JMJD1C: variants seen among roughly 807,000 people sequenced by gnomAD.
JMJD1C encodes jumonji domain-containing protein 1C.
In JMJD1C, 31 loss-of-function variants were observed where a neutral mutation model predicts 245.3. The observed-to-expected ratio is 0.13, with a 90% CI of 0.09 to 0.17. JMJD1C has a LOEUF of 0.17. Among genes scored for constraint, JMJD1C ranks in the 10% least tolerant of loss-of-function variants. The pLI, the probability that JMJD1C is intolerant of heterozygous loss-of-function variation, is 1.00. For synonymous variants in JMJD1C, 1,057 were observed against 1,017.4 expected (o/e 1.04, Z -0.74); for missense variants, 2,691 against 3,000.2 (o/e 0.90, Z 2.41).
intron 1 of JMJD1C, among the ~76,000 whole-genome samples, chr10:63,399,770 A>G (rs1948737366): frequency 6.6e-6 from 1 of 150,424 alleles, no homozygotes; most frequent in Admixed American, 6.7e-5. Flanking sequence ...TTTTCCTTTT[A>G]GGATTTTTTT....
At chr10:63,244,198 C>T (rs868025326) in intron 3 of JMJD1C, among the ~76,000 whole-genome samples, 2 of 152,240 alleles carry the variant, frequency 1.3e-5, no homozygotes, top group Middle Eastern at 3.4e-3. Context: ...TCAGCAGCAC[C>T]ATGCTGTGGA....
intron 10 of JMJD1C, chr10:63,204,453 G>C (rs1465373101): frequency 2.0e-6 from 2 of 985,222 alleles, no homozygotes; most frequent in Non-Finnish European, 2.4e-6. Context: ...AACTTCACAA[G>C]AGTTTTCTAG....
chr10:63,188,661 T>C (rs1844418681), intron 18 of JMJD1C, among the ~76,000 whole-genome samples: 1 of 152,222 alleles, frequency 6.6e-6, no homozygotes, highest in African/African-American at 2.4e-5. Context: ...ATCAAAACTT[T>C]TGTCCAACAA....
chr10:63,329,232 T>C (rs1941863493), intron 2 of JMJD1C, among the ~76,000 whole-genome samples: 1 of 150,732 alleles, frequency 6.6e-6, no homozygotes, highest in South Asian at 2.1e-4. Flanking sequence ...TAGTAAGCCA[T>C]GATCGAGCCA....
rs752775581 is a variant in JMJD1C at position 63,189,279 on chromosome 10, T to A, written c.6459A>T (p.Leu2153Phe). The A allele has an allele frequency of 1.2e-6, 2 of 1,613,578 alleles. No individual in the cohort carries two copies. The highest frequency in any genetic ancestry group is 2.2e-5 in the South Asian group (2 of 91,070). Reference sequence around the variant, plus strand: ...TCCAAGAATGTGGTATATCACTGTATAATTTATTATTTTCATCCACTGCAG... The same window carrying A: ...TCCAAGAATGTGGTATATCACTGTAAAATTTATTATTTTCATCCACTGCAG... ...IISAVDENNK[L>F]YSDIPHSWIC... Residue 2153 changes from leucine to phenylalanine, a missense_variant, in exon 18 of 26, where the codon TTA becomes TTT. Physicochemically the swap from Leu to Phe is conservative, Grantham distance 22. Around this residue, in one of 9 missense-constraint regions of JMJD1C, gnomAD observed 275 missense variants for 285.5 expected, o/e 0.96. Coordinates refer to ENST00000399262, the MANE Select transcript of JMJD1C (RefSeq NM_032776.3).
chr10:63,295,959 A>ATGTGTGTGTG (rs370590868), intron 2 of JMJD1C, among the ~76,000 whole-genome samples: 80 of 89,834 alleles, frequency 8.9e-4, no homozygotes, highest in African/African-American at 3.2e-3. Context: ...ATACACGTAT[A>ATGTGTGTGTG]TGTGTGTGTG....
intron 2 of JMJD1C, among the ~76,000 whole-genome samples, chr10:63,366,419 A>C (rs761099636): frequency 2.0e-5 from 3 of 152,188 alleles, no homozygotes; most frequent in Admixed American, 2.0e-4. Context: ...TTTAATGTGT[A>C]TCATTTCTAC....
chr10:63,387,629 A>ATTTTTTTTTTTTT lies in JMJD1C; in HGVS notation c.169-7160_169-7148dup, dbSNP rs71025169. 6.1e-4 allele frequency among the ~76,000 whole-genome samples: 23 copies of ATTTTTTTTTTTTT among 37,868 alleles called. 1 individual carries two copies. Among genetic ancestry groups the ATTTTTTTTTTTTT allele is most frequent in the African/African-American group, 2.5e-3 (21 of 8,306 alleles). 24.8% of individuals were successfully genotyped at this position (37,868 alleles called of 152,430 possible). A position where few individuals can be genotyped will look rare whatever the true frequency, so the allele number is the denominator to read the frequency against. ...AGTCAGAAGAAAAAAGAAAAAAAAA[A>ATTTTTTTTTTTTT]TTTTTTTTTTTTTTTTTTTTTTTTG... On this transcript the variant is annotated intron_variant, in intron 1 of 25. Transcript: ENST00000399262.
upstream of JMJD1C, among the ~76,000 whole-genome samples, chr10:63,467,733 G>A (rs1482069874): frequency 2.0e-5 from 3 of 149,776 alleles, no homozygotes; most frequent in African/African-American, 7.4e-5. Context: ...AAGTGACTTG[G>A]TGACAATAAT....
chr10:63,332,055 A>C (rs1942211843), intron 2 of JMJD1C, among the ~76,000 whole-genome samples: 1 of 152,156 alleles, frequency 6.6e-6, no homozygotes, highest in Non-Finnish European at 1.5e-5. Flanking sequence ...AAACCAGTTA[A>C]CTTCTTGCTT....
At position 63,465,853 on chromosome 10, in the gene JMJD1C, C is replaced by T. The variant is rs921278102; in HGVS notation, c.-191G>A. 7.1e-6 allele frequency: 5 copies of T among 703,432 alleles called. No individual in the cohort carries two copies. The highest frequency in any genetic ancestry group is 1.5e-5 in the South Asian group (1 of 66,224). 43.6% of individuals were successfully genotyped at this position (703,432 alleles called of 1,614,324 possible). On this transcript the variant is annotated 5_prime_UTR_variant, in exon 1 of 26. Coordinates refer to ENST00000399262, the MANE Select transcript of JMJD1C (RefSeq NM_032776.3). ...CCTCGGGCCCTCCCCGCAAACACTC[C>T]TTTGGACTCCCAGATTCGCAGCCTT...
chr10:63,486,561 G>A lies in JMJD1C; in HGVS notation n.113+35177C>T, dbSNP rs368123043. ...AACTTTAATCCTTCCTCCTCTAATG[G>A]TACCTTACTATGGGCAATTAAAAAT... On this transcript the variant is annotated intron_variant and non_coding_transcript_variant, in intron 1 of 3. Coordinates refer to the JMJD1C transcript ENST00000633035. Among the ~76,000 whole-genome samples the A allele has an allele frequency of 3.9e-4, 59 of 151,688 alleles. 2 individuals are homozygous for A. In the South Asian group the frequency reaches 0.012, roughly 32 times the overall value.
chr10:63,259,875 T>C (rs763460759), intron 3 of JMJD1C, among the ~76,000 whole-genome samples: 1 of 152,204 alleles, frequency 6.6e-6, no homozygotes, highest in Non-Finnish European at 1.5e-5. Context: ...AACAGTCTTA[T>C]CTCCAAACTT....
At chr10:63,318,587 C>T (rs1041434626) in intron 2 of JMJD1C, among the ~76,000 whole-genome samples, 2 of 151,892 alleles carry the variant, frequency 1.3e-5, no homozygotes, top group Non-Finnish European at 2.9e-5. Flanking sequence ...CAAAAATATA[C>T]GAACTGATAA....
At chr10:63,272,785 G>T (rs993580759) in intron 2 of JMJD1C, among the ~76,000 whole-genome samples, 4 of 152,082 alleles carry the variant, frequency 2.6e-5, no homozygotes, top group Non-Finnish European at 5.9e-5. Flanking sequence ...CCAATTTATT[G>T]TACATTAGAA....
intron 2 of JMJD1C, among the ~76,000 whole-genome samples, chr10:63,272,928 A>G (rs941825858): frequency 1.3e-5 from 2 of 152,338 alleles, no homozygotes; most frequent in Admixed American, 1.3e-4. Flanking sequence ...CACAAAGTAC[A>G]CTTAGCTAAA....
At chr10:63,169,200 C>T (rs1402192878) in intron 24 of JMJD1C, among the ~76,000 whole-genome samples, 2 of 152,080 alleles carry the variant, frequency 1.3e-5, no homozygotes, top group African/African-American at 2.4e-5. Flanking sequence ...AGTTTTTCAA[C>T]AGTTTTCTCT....
rs1942917127 is a variant in JMJD1C at position 63,337,588 on chromosome 10, GAAAA to G, written c.333+42726_333+42729del. On this transcript the variant is annotated intron_variant, in intron 2 of 25. Coordinates refer to ENST00000399262, the MANE Select transcript of JMJD1C (RefSeq NM_032776.3). ...GAAAAGAAAAGAAAAGAAAAGAAAA[GAAAA>G]GAAAAGAAAAGAAAAGAAAAGAAAA... is the stretch of plus-strand genomic sequence containing the variant. Among the ~76,000 whole-genome samples, 3 of 101,502 alleles carry G rather than the reference GAAAA, an allele frequency of 3.0e-5. 1 individual carries two copies. Among genetic ancestry groups the G allele is most frequent in the African/African-American group, 1.7e-4 (3 of 17,662 alleles). 66.6% of individuals were successfully genotyped at this position (101,502 alleles called of 152,430 possible). A position where few individuals can be genotyped will look rare whatever the true frequency, so the allele number is the denominator to read the frequency against.
chr10:63,394,297 T>C (rs569822590), intron 1 of JMJD1C, among the ~76,000 whole-genome samples: 5 of 151,744 alleles, frequency 3.3e-5, no homozygotes, highest in Non-Finnish European at 5.9e-5. Flanking sequence ...GAACTGACAA[T>C]TGAATTTTTT....
Sources: gnomAD v4.1 joint callset for allele counts (sites outside exome capture counted in the v4.1 genomes callset) on GRCh38, gnomAD v4.1.1 for gene constraint, gnomAD v4.1.1 regional missense constraint, MANE v1.5 for transcripts, NCBI Gene and HGNC (gene_info 2026-07-23, HGNC 2026-07-21) for gene names.